The following DSCAM variants were observed in gnomAD, a reference collection of about 807,000 sequenced individuals.
DSCAM encodes the protein DS cell adhesion molecule.
A neutral mutation model predicts 217.7 loss-of-function variants in DSCAM; 47 were observed. The observed-to-expected ratio is 0.22, with a 90% CI of 0.17 to 0.28. DSCAM has a LOEUF of 0.28. Ranked by LOEUF, DSCAM falls within the 10% of genes least tolerant of loss-of-function variation. The pLI is 1.00. For missense variants in DSCAM, 2,080 were observed against 2,618.3 expected (o/e 0.79, Z 4.49); for synonymous variants, 1,056 against 1,015.3 (o/e 1.04, Z -0.76).
chr21:40,676,676 A>G (rs1190327566), intron 3 of DSCAM, among the ~76,000 whole-genome samples: 1 of 152,200 alleles, frequency 6.6e-6, no homozygotes, highest in Non-Finnish European at 1.5e-5. Context: ...TGACATGGAA[A>G]GTTCGAACAC....
intron 1 of DSCAM, among the ~76,000 whole-genome samples, chr21:40,771,541 G>A (rs901602022): frequency 1.3e-5 from 2 of 152,224 alleles, no homozygotes; most frequent in Non-Finnish European, 2.9e-5. Context: ...CCAGGTTTCT[G>A]CAAAGAGCAC....
At chr21:40,689,488 C>CAGCT (rs1401502886) in intron 3 of DSCAM, among the ~76,000 whole-genome samples, 1 of 152,266 alleles carries the variant, frequency 6.6e-6, no homozygotes, top group Non-Finnish European at 1.5e-5. Flanking sequence ...TGACTGCCAT[C>CAGCT]AGCTCTCAGC....
intron 2 of DSCAM, among the ~76,000 whole-genome samples, chr21:40,696,618 A>G (rs979516398): frequency 1.3e-5 from 2 of 152,164 alleles, no homozygotes; most frequent in African/African-American, 4.8e-5. Flanking sequence ...ACCAGCGCGC[A>G]GATCTTGGGG....
At chr21:40,585,361 A>T (rs1171031664) in intron 3 of DSCAM, among the ~76,000 whole-genome samples, 1 of 51,814 alleles carries the variant, frequency 1.9e-5, no homozygotes, top group Non-Finnish European at 5.1e-5. Context: ...CGGAGCTTGC[A>T]GTGAGCCGAG....
chr21:40,572,600 C>T (rs1002209068), intron 3 of DSCAM, among the ~76,000 whole-genome samples: 2 of 152,088 alleles, frequency 1.3e-5, no homozygotes, highest in African/African-American at 2.4e-5. Context: ...TAAATCTCGA[C>T]GGCTATGTTT....
intron 1 of DSCAM, among the ~76,000 whole-genome samples, chr21:40,823,033 C>T (rs1336896187): frequency 6.6e-6 from 1 of 152,042 alleles, no homozygotes; most frequent in African/African-American, 2.4e-5. Flanking sequence ...GCTTGTAATT[C>T]CAGCGGCTTG....
At chr21:40,104,569 G>T (rs746318074) in intron 20 of DSCAM, among the ~76,000 whole-genome samples, 22 of 152,160 alleles carry the variant, frequency 1.4e-4, no homozygotes, top group Admixed American at 1.4e-3. Context: ...TGAATAGGAG[G>T]AGCACAGAGG....
In DSCAM at chr21:40,163,070, AACAC is replaced by A. The variant is rs3069756; in HGVS notation, c.3018+4144_3018+4147del. 6.1e-3 allele frequency among the ~76,000 whole-genome samples: 874 copies of A among 143,204 alleles called. 3 individuals carry two copies. Among genetic ancestry groups the A allele is most frequent in the Middle Eastern group, 0.011 (3 of 274 alleles). The allele number at this position is 143,204 out of a possible 152,430, so 93.9% of individuals were successfully genotyped here. A position where few individuals can be genotyped will look rare whatever the true frequency, so the allele number is the denominator to read the frequency against. ...TTTTATTTTATGAGTGACCATGGCAAACACACACACACACACACACACACACACA... is the reference window on the plus strand; with the variant it reads ...TTTTATTTTATGAGTGACCATGGCAAACACACACACACACACACACACACA... On this transcript the variant is annotated intron_variant, in intron 16 of 32. Transcript: ENST00000400454.
At chr21:40,782,307 C>A (rs959517372) in intron 1 of DSCAM, among the ~76,000 whole-genome samples, 1 of 152,238 alleles carries the variant, frequency 6.6e-6, no homozygotes, top group African/African-American at 2.4e-5. Context: ...TGGCCTCTGC[C>A]TTTCTTAACT....
At chr21:40,068,551 A>T (rs2089244533) in intron 27 of DSCAM, among the ~76,000 whole-genome samples, 2 of 152,238 alleles carry the variant, frequency 1.3e-5, no homozygotes, top group African/African-American at 4.8e-5. Context: ...AAAATTATAT[A>T]GTAGCTATTG....
Position 40,347,964 on chromosome 21 carries a change from G to A in DSCAM, c.935-19C>T. The stretch of plus-strand genomic sequence containing the variant: ...AGTGGCTCTGGAGGTTTTAGTAAGA[G>A]AGAGAGAAAAAAGATAAAAACATCA... On this transcript the variant is annotated intron_variant, in intron 5 of 32. Transcript: ENST00000400454. The A allele has an allele frequency of 6.3e-7, 1 of 1,598,250 alleles. No individual in the cohort carries two copies. Among genetic ancestry groups the A allele is most frequent in the Non-Finnish European group, 8.5e-7 (1 of 1,172,036 alleles).
At chr21:40,376,559 TATATATCTTATATCG>T (rs2074958320) in intron 3 of DSCAM, among the ~76,000 whole-genome samples, 1 of 116,188 alleles carries the variant, frequency 8.6e-6, no homozygotes, top group African/African-American at 3.6e-5. Context: ...TATCGATATC[TATATATCTTATATCG>T]ATATCTATAT....
chr21:40,510,154 C>G (rs895644394), intron 3 of DSCAM, among the ~76,000 whole-genome samples: 4 of 151,960 alleles, frequency 2.6e-5, no homozygotes, highest in Admixed American at 6.6e-5. Flanking sequence ...TGTCCCCCCC[C>G]AAAGCACTCT....
rs757906374 is a variant in DSCAM at position 40,080,263 on chromosome 21, G to A, written c.4309C>T (p.Arg1437Cys). Residue 1437 changes from arginine (R) to cysteine (C), a missense_variant, in exon 25 of 33, where the codon CGC becomes TGC. Arg to Cys is a radical substitution (Grantham distance 180, BLOSUM62 -3). This residue lies in a region of DSCAM where 1,144 missense variants were observed against 1,421.1 expected (regional missense o/e 0.81). Coordinates refer to ENST00000400454, the MANE Select transcript of DSCAM (RefSeq NM_001389.5). The part of the protein sequence containing the change: ...FPISPSERSY[R>C]LENLKCGTWY... Reference sequence around the variant, plus strand: ...GTCCCACATTTGAGATTTTCCAAGCGATAGGAACGTTCGCTGGGGCTGATT... The same window carrying A: ...GTCCCACATTTGAGATTTTCCAAGCAATAGGAACGTTCGCTGGGGCTGATT... The A allele has an allele frequency of 6.8e-6, 11 of 1,613,484 alleles. No homozygotes were observed. The highest frequency in any genetic ancestry group is 1.7e-5 in the Admixed American group (1 of 59,906).
At chr21:40,129,579 G>A (rs1395110401) in intron 19 of DSCAM, among the ~76,000 whole-genome samples, 6 of 152,182 alleles carry the variant, frequency 3.9e-5, no homozygotes, top group Non-Finnish European at 7.4e-5. Context: ...CTGCAGTGGA[G>A]GGAGTGTGGA....
chr21:40,597,850 G>C (rs987806370), intron 3 of DSCAM, among the ~76,000 whole-genome samples: 2 of 152,080 alleles, frequency 1.3e-5, no homozygotes, highest in African/African-American at 4.8e-5. Context: ...GAAAAATTGA[G>C]GCGATAGTAG....
At chr21:40,544,346 G>A (rs1313839078) in intron 3 of DSCAM, among the ~76,000 whole-genome samples, 1 of 152,300 alleles carries the variant, frequency 6.6e-6, no homozygotes, top group Non-Finnish European at 1.5e-5. Flanking sequence ...CCAAAATTAA[G>A]AAAGTCCTCT....
chr21:40,539,242 C>A (rs1450326358), intron 3 of DSCAM, among the ~76,000 whole-genome samples: 2 of 152,074 alleles, frequency 1.3e-5, no homozygotes, highest in African/African-American at 4.8e-5. Context: ...CGGTGGCTCA[C>A]GCTGGTAATC....
At chr21:40,678,954 A>G (rs1241571204) in intron 3 of DSCAM, among the ~76,000 whole-genome samples, 1 of 152,184 alleles carries the variant, frequency 6.6e-6, no homozygotes, top group Non-Finnish European at 1.5e-5. Flanking sequence ...TGGTTCCAAC[A>G]ATAAAATCAT....
Sources: gnomAD v4.1 joint callset for allele counts (sites outside exome capture counted in the v4.1 genomes callset) on GRCh38, gnomAD v4.1.1 for gene constraint, gnomAD v4.1.1 regional missense constraint, MANE v1.5 for transcripts, NCBI Gene and HGNC (gene_info 2026-07-23, HGNC 2026-07-21) for gene names.